The following ERC1 variants were observed in gnomAD, a reference collection of about 807,000 sequenced individuals.
ERC1 encodes ELKS/RAB6-interacting/CAST family member 1, also known as RAB6 interacting protein 2.
A neutral mutation model predicts 132.0 loss-of-function variants in ERC1; 56 were observed. That is an observed-to-expected ratio of 0.42 (90% CI 0.34 to 0.53). The LOEUF is 0.53. ERC1 is among the 20% of genes least tolerant of loss of function. The pLI is 0.03. For missense variants in ERC1, 1,202 were observed against 1,349.9 expected, an observed-to-expected ratio of 0.89 and a Z score of 1.72; for synonymous variants, 478 against 476.1, an observed-to-expected ratio of 1.00 and a Z score of -0.05.
At chr12:1,025,794 GTTTTTT>G (rs1172351394) in intron 1 of ERC1, among the ~76,000 whole-genome samples, 2 of 127,608 alleles carry the variant, frequency 1.6e-5, no homozygotes, top group African/African-American at 3.0e-5. Context: ...AAAAAGGAAA[GTTTTTT>G]TTTTTTTTTT....
rs1016490929 is a variant in ERC1, at chr12:1,313,945, T to C, written c.2780+23933T>C. The stretch of plus-strand genomic sequence containing the variant: ...TTTGCTGTGAGCCCAGATCACACCA[T>C]TGCACTTCAGCCTGGGCAACAGAGT... On this transcript the variant is annotated intron_variant, in intron 15 of 18. Coordinates refer to ENST00000360905, the MANE Select transcript of ERC1 (RefSeq NM_178040.4). 5.3e-5 allele frequency among the ~76,000 whole-genome samples: 8 copies of C among 152,036 alleles called. No homozygotes were observed. The East Asian group carries it at 1.5e-3, about 29-fold the overall frequency.
chr12:1,350,022 T>G (rs1182798468), intron 15 of ERC1, among the ~76,000 whole-genome samples: 1 of 152,242 alleles, frequency 6.6e-6, no homozygotes, highest in African/African-American at 2.4e-5. Context: ...TGTTGTGCTT[T>G]CTTCTTTTGG....
chr12:1,019,314 G>C (rs1015458227), intron 1 of ERC1, among the ~76,000 whole-genome samples: 1 of 152,110 alleles, frequency 6.6e-6, no homozygotes, highest in Non-Finnish European at 1.5e-5. Flanking sequence ...TAGTAGAAAC[G>C]GGATTTTGCC....
At chr12:1,341,613 A>G (rs2083902107) in intron 15 of ERC1, among the ~76,000 whole-genome samples, 1 of 149,948 alleles carries the variant, frequency 6.7e-6, no homozygotes, top group Non-Finnish European at 1.5e-5. Flanking sequence ...TTGAACAATG[A>G]GAACACATGG....
chr12:1,230,785 T>C (rs2074970059), intron 12 of ERC1, among the ~76,000 whole-genome samples: 3 of 152,266 alleles, frequency 2.0e-5, no homozygotes, highest in Admixed American at 6.5e-5. Context: ...TTTACAATTG[T>C]AATATTCTCT....
At chr12:1,394,046 C>A (rs11061745) in intron 16 of ERC1, among the ~76,000 whole-genome samples, 12,067 of 70,758 alleles carry the variant, frequency 0.17, 2,577 homozygotes, top group African/African-American at 0.53. Context: ...AAAAAAAAAC[C>A]ACAAAGCATT....
intron 18 of ERC1, among the ~76,000 whole-genome samples, chr12:1,489,678 C>A (rs535909519): frequency 1.3e-5 from 2 of 152,302 alleles, no homozygotes; most frequent in South Asian, 2.1e-4. Flanking sequence ...CGGATGAAAG[C>A]GATACACGGC....
intron 12 of ERC1, among the ~76,000 whole-genome samples, chr12:1,221,921 C>T (rs532234458): frequency 6.6e-6 from 1 of 152,176 alleles, no homozygotes; most frequent in Admixed American, 6.5e-5. Flanking sequence ...AGAAACATCA[C>T]TATGTGGTAT....
Position 1,083,145 on chromosome 12 carries a change from CT to C in ERC1, c.670-14del. 1.3e-6 allele frequency: 2 copies of C among 1,580,618 alleles called. No individual in the cohort carries two copies. Among genetic ancestry groups the C allele is most frequent in the Non-Finnish European group, 1.7e-6 (2 of 1,165,864 alleles). The stretch of plus-strand genomic sequence containing the variant: ...GGAGGAAAGCTGATTTGGGGGTTTT[CT>C]TTTTGTCTTGGTTCTAGCACATGCA... On this transcript the variant is annotated intron_variant, in intron 2 of 18. Transcript: ENST00000360905.
intron 12 of ERC1, among the ~76,000 whole-genome samples, chr12:1,203,213 AC>A (rs1957072900): frequency 6.6e-6 from 1 of 152,092 alleles, no homozygotes; most frequent in Non-Finnish European, 1.5e-5. Context: ...GTGTGCCACC[AC>A]GCCTGGCTAA....
chr12:1,329,913 G>A (rs1181782192), intron 15 of ERC1, among the ~76,000 whole-genome samples: 2 of 152,176 alleles, frequency 1.3e-5, no homozygotes, highest in Non-Finnish European at 2.9e-5. Flanking sequence ...TTTCTAGTGT[G>A]CTTGGTTTCT....
At chr12:1,461,195 C>G (rs951560984) in intron 18 of ERC1, among the ~76,000 whole-genome samples, 1 of 151,970 alleles carries the variant, frequency 6.6e-6, no homozygotes, top group African/African-American at 2.4e-5. Context: ...CCATACTTGT[C>G]AATATTGTAC....
Position 1,248,601 on chromosome 12 carries a change from AAAG to A in ERC1, c.2487+11701_2487+11703del, listed in dbSNP as rs534648408. Among the ~76,000 whole-genome samples, 103 of 152,330 alleles carry A rather than the reference AAAG, an allele frequency of 6.8e-4. 1 individual carries two copies. The highest frequency in any genetic ancestry group is 2.4e-3 in the African/African-American group (98 of 41,580). ...TCAAAAGGGACCTTATAGGCCATGA[AAAG>A]AAGTTTAGATTTTACAAGTAGTGAA... On this transcript the variant is annotated intron_variant, in intron 13 of 18. Coordinates refer to ENST00000360905, the MANE Select transcript of ERC1 (RefSeq NM_178040.4).
chr12:1,441,293 T>C (rs1337087759), intron 17 of ERC1, among the ~76,000 whole-genome samples: 2 of 151,550 alleles, frequency 1.3e-5, no homozygotes, highest in African/African-American at 2.4e-5. Flanking sequence ...ACTCCTGACC[T>C]TAAGTGATCT....
chr12:1,098,596 G>C (rs1408632511), intron 3 of ERC1, among the ~76,000 whole-genome samples: 1 of 152,246 alleles, frequency 6.6e-6, no homozygotes, highest in East Asian at 1.9e-4. Flanking sequence ...CATTTAATGA[G>C]ACAGAGAAGA....
chr12:1,038,204 A>G (rs1158059694), intron 2 of ERC1, among the ~76,000 whole-genome samples: 2 of 152,044 alleles, frequency 1.3e-5, no homozygotes, highest in Admixed American at 1.3e-4. Flanking sequence ...CACAACGCCC[A>G]AGGGGGTATG....
At position 1,491,843 on chromosome 12, in the gene ERC1, T is replaced by C. The variant is rs1008664921; in HGVS notation, c.*1613T>C. 2 of 232,550 alleles carry C rather than the reference T, an allele frequency of 8.6e-6. No individual in the cohort carries two copies. The highest frequency in any genetic ancestry group is 4.4e-5 in the African/African-American group (2 of 45,318). The allele number at this position is 232,550 out of a possible 1,614,324, so 14.4% of individuals were successfully genotyped here. ...CGTAGACAACAGCAGTCATAAATAA[T>C]TAGGCAGGAACTTAACCCAAATCTA... On this transcript the variant is annotated 3_prime_UTR_variant, in exon 19 of 19. Transcript: ENST00000360905.
At chr12:1,448,669 A>G (rs955775448) in intron 18 of ERC1, among the ~76,000 whole-genome samples, 1 of 152,208 alleles carries the variant, frequency 6.6e-6, no homozygotes, top group Non-Finnish European at 1.5e-5. Flanking sequence ...AATGCATTTC[A>G]CTGCCACCAT....
intron 15 of ERC1, among the ~76,000 whole-genome samples, chr12:1,297,595 A>G (rs955274399): frequency 6.7e-6 from 1 of 150,152 alleles, no homozygotes; most frequent in Non-Finnish European, 1.5e-5. Flanking sequence ...TCTTGTTCCA[A>G]TTACTTGGGA....
Sources: gnomAD v4.1 joint callset for allele counts (sites outside exome capture counted in the v4.1 genomes callset) on GRCh38, gnomAD v4.1.1 for gene constraint, MANE v1.5 for transcripts, NCBI Gene and HGNC (gene_info 2026-07-23, HGNC 2026-07-21) for gene names.